FRMD5: variants seen among roughly 807,000 people sequenced by gnomAD.
FRMD5 encodes the protein FERM domain-containing protein 5.
In FRMD5, 20 loss-of-function variants were observed where a neutral mutation model predicts 69.0. The observed-to-expected ratio is 0.29, with a 90% CI of 0.20 to 0.42. The LOEUF is 0.42. Ranked by LOEUF, FRMD5 falls within the 10% of genes least tolerant of loss-of-function variation. The probability of loss-of-function intolerance (pLI) is 1.00; values close to 1 mark genes in which losing one functional copy is unlikely to be tolerated. For synonymous variants in FRMD5, 271 were observed against 260.1 expected (o/e 1.04, Z -0.40); for missense variants, 595 against 708.6 (o/e 0.84, Z 1.82).
At chr15:43,916,307 GC>G (rs1281188584) in intron 4 of FRMD5, among the ~76,000 whole-genome samples, 6 of 152,204 alleles carry the variant, frequency 3.9e-5, no homozygotes, top group Non-Finnish European at 8.8e-5. Flanking sequence ...GAAGTTAGCT[GC>G]TTAAGTTTTA....
intron 1 of FRMD5, among the ~76,000 whole-genome samples, chr15:44,053,019 A>G (rs1307496166): frequency 6.6e-6 from 1 of 152,174 alleles, no homozygotes; most frequent in Admixed American, 6.5e-5. Flanking sequence ...TGTTACAAAG[A>G]AGAGGTAGAT....
intron 4 of FRMD5, among the ~76,000 whole-genome samples, chr15:43,918,538 A>G (rs2089437280): frequency 6.6e-6 from 1 of 152,160 alleles, no homozygotes; most frequent in South Asian, 2.1e-4. Flanking sequence ...CTTACAGGAT[A>G]ACCCGTCTAT....
At chr15:44,191,914 T>C (rs1350828934) in intron 1 of FRMD5, among the ~76,000 whole-genome samples, 1 of 1,298 alleles carries the variant, frequency 7.7e-4, no homozygotes, top group Non-Finnish European at 1.4e-3. Flanking sequence ...TATATATATA[T>C]ATATATATTA....
intron 1 of FRMD5, among the ~76,000 whole-genome samples, chr15:44,005,570 G>A (rs1247904703): frequency 6.6e-6 from 1 of 151,756 alleles, no homozygotes; most frequent in Non-Finnish European, 1.5e-5. Flanking sequence ...GGCTATAAAG[G>A]AAATACAGCG....
intron 1 of FRMD5, among the ~76,000 whole-genome samples, chr15:44,156,534 T>C (rs1161731965): frequency 6.6e-6 from 1 of 152,228 alleles, no homozygotes; most frequent in Non-Finnish European, 1.5e-5. Context: ...CTTTTAGTAT[T>C]CTAAACATCC....
At chr15:44,082,211 AG>A (rs1195709963) in intron 1 of FRMD5, among the ~76,000 whole-genome samples, 7 of 152,004 alleles carry the variant, frequency 4.6e-5, no homozygotes, top group Admixed American at 2.0e-4. Flanking sequence ...CGGAACACAG[AG>A]GGGAAAAGTT....
chr15:43,986,810 T>A (rs1023470409), intron 1 of FRMD5, among the ~76,000 whole-genome samples: 8 of 152,110 alleles, frequency 5.3e-5, no homozygotes, highest in South Asian at 2.1e-4. Flanking sequence ...GTTTTTTTTT[T>A]AAATAAATTC....
upstream of FRMD5, among the ~76,000 whole-genome samples, chr15:44,197,513 C>G (rs2078320646): frequency 6.6e-6 from 1 of 150,888 alleles, no homozygotes; most frequent in African/African-American, 2.4e-5. Context: ...GAAACCCTGT[C>G]TCTACTGAAA....
At chr15:43,883,246 T>C (rs537569409) in intron 13 of FRMD5, among the ~76,000 whole-genome samples, 37 of 152,130 alleles carry the variant, frequency 2.4e-4, no homozygotes, top group Admixed American at 2.0e-3. Flanking sequence ...ATTAGTCATG[T>C]GCCACCACGC....
intron 4 of FRMD5, among the ~76,000 whole-genome samples, chr15:43,914,992 G>A (rs948044828): frequency 6.6e-6 from 1 of 152,150 alleles, no homozygotes; most frequent in Non-Finnish European, 1.5e-5. Flanking sequence ...CTCCCAAAGT[G>A]CTGGGATTAC....
chr15:43,933,176 G>C (rs2089704621), intron 1 of FRMD5, among the ~76,000 whole-genome samples: 1 of 152,154 alleles, frequency 6.6e-6, no homozygotes, highest in East Asian at 1.9e-4. Flanking sequence ...TACAAATACC[G>C]AGGCCTAGGA....
chr15:44,107,554 A>G (rs79710892), intron 1 of FRMD5, among the ~76,000 whole-genome samples: 1 of 152,124 alleles, frequency 6.6e-6, no homozygotes, highest in African/African-American at 2.4e-5. Context: ...ATTTGTAGTT[A>G]TCAGCCGAAA....
At chr15:44,025,862 C>G (rs986905616) in intron 1 of FRMD5, among the ~76,000 whole-genome samples, 1 of 152,170 alleles carries the variant, frequency 6.6e-6, no homozygotes, top group Admixed American at 6.5e-5. Flanking sequence ...CTTTGTTAAA[C>G]AGGATAAGTT....
At position 44,152,363 on chromosome 15, in the gene FRMD5, G is replaced by C. The variant is rs920506511; in HGVS notation, c.102+42590C>G. ...CAATACTTAATTCTTTAACCTTATTGTGTAGTATTACTCCAATGTGCAAAT... is the reference window on the plus strand; with the variant it reads ...CAATACTTAATTCTTTAACCTTATTCTGTAGTATTACTCCAATGTGCAAAT... On this transcript the variant is annotated intron_variant, in intron 1 of 13. Transcript: ENST00000417257. Among the ~76,000 whole-genome samples, 11 of 151,912 alleles carry C rather than the reference G, an allele frequency of 7.2e-5. No individual in the cohort carries two copies. In the East Asian group the frequency reaches 1.9e-3, roughly 27 times the overall value.
chr15:44,008,726 A>G (rs78640580), intron 1 of FRMD5, among the ~76,000 whole-genome samples: 1,975 of 152,244 alleles, frequency 0.013, 53 homozygotes, highest in African/African-American at 0.046. Flanking sequence ...GAGTTCCTCC[A>G]TTAAAAATTA....
intron 1 of FRMD5, among the ~76,000 whole-genome samples, chr15:44,157,217 T>A (rs2077542723): frequency 6.6e-6 from 1 of 152,374 alleles, no homozygotes; most frequent in East Asian, 1.9e-4. Context: ...GGAAGCCTCC[T>A]TTCTTCATGA....
At chr15:44,085,599 G>T (rs1362188379) in intron 1 of FRMD5, among the ~76,000 whole-genome samples, 1 of 151,946 alleles carries the variant, frequency 6.6e-6, no homozygotes, top group Non-Finnish European at 1.5e-5. Context: ...GCCAAAGAGG[G>T]GTATCTCAAA....
chr15:44,175,940 T>C (rs980959033), intron 1 of FRMD5, among the ~76,000 whole-genome samples: 1 of 152,232 alleles, frequency 6.6e-6, no homozygotes, highest in African/African-American at 2.4e-5. Flanking sequence ...ACTGTTAAGA[T>C]GGCAACACTC....
chr15:43,906,641 G>A (rs1447515919), intron 5 of FRMD5, among the ~76,000 whole-genome samples: 2 of 152,050 alleles, frequency 1.3e-5, no homozygotes, highest in East Asian at 1.9e-4. Flanking sequence ...TCACTCTGTA[G>A]CCCAGGCTGG....
Sources: allele counts gnomAD v4.1 joint callset (sites outside exome capture counted in the v4.1 genomes callset), GRCh38; gene constraint gnomAD v4.1.1; transcripts MANE v1.5; gene names NCBI Gene and HGNC (gene_info 2026-07-23, HGNC 2026-07-21).